CAPN15: variants seen among roughly 807,000 people sequenced by gnomAD.
The protein encoded by CAPN15 is calpain 15.
Under a neutral mutation model 97.9 loss-of-function variants are expected in CAPN15, and 53 were observed. The ratio of observed to expected loss-of-function variants is 0.54; its 90% CI spans 0.43 to 0.68. The LOEUF is 0.68. CAPN15 is among the 30% of genes least tolerant of loss of function. The pLI, the probability that CAPN15 is intolerant of heterozygous loss-of-function variation, is 0.00. For missense variants in CAPN15, 1,592 were observed against 1,589.8 expected, an observed-to-expected ratio of 1.00 and a Z score of -0.02; for synonymous variants, 922 against 722.5, an observed-to-expected ratio of 1.28 and a Z score of -4.43.
rs373107147 is a variant in CAPN15 at position 535,672 on chromosome 16, C to T, written c.-136-357C>T. Among the ~76,000 whole-genome samples the T allele has an allele frequency of 1.1e-4, 16 of 152,266 alleles. No homozygotes were observed. The East Asian group carries it at 2.3e-3, about 22-fold the overall frequency. ...CCTGCCCCTCCAGGGAGCCCAGAGG[C>T]GGGCGTGGCTGCAGCCTGGCTCTGT... On this transcript the variant is annotated intron_variant, in intron 2 of 13. Transcript: ENST00000219611. The surrounding 1 kb of genome is among the most constrained non-coding windows in gnomAD (Gnocchi z 6.2).
In CAPN15 at chr16:549,704, C is replaced by T; in HGVS notation, c.1932C>T (p.Ala644=). The T allele has an allele frequency of 6.4e-7, 1 of 1,567,118 alleles. No individual in the cohort carries two copies. The highest frequency in any genetic ancestry group is 8.6e-7 in the Non-Finnish European group (1 of 1,158,006). The change falls in exon 7 of 14, where the codon GCC becomes GCT. Residue 644 remains alanine, a synonymous_variant. Transcript: ENST00000219611. ...GSYFALQAGR[A]IEGLATLTGA... is the part of the protein sequence containing the mutation. ...ACTTTGCGCTCCAGGCGGGCCGCGC[C>T]ATCGAAGGCCTGGCCACGCTCACCG... is the stretch of plus-strand genomic sequence containing the variant.
chr16:532,005 C>T lies in CAPN15; in HGVS notation c.-189-1941C>T, dbSNP rs560248572. Among the ~76,000 whole-genome samples, 11 of 152,182 alleles carry T rather than the reference C, an allele frequency of 7.2e-5. No homozygotes were observed. The East Asian group carries it at 1.4e-3, about 19-fold the overall frequency. ...CTGTAATCCCAGCCCTTTCAGAGGC[C>T]GAGGCAGGTGGGTTGCCTGAGGTCA... On this transcript the variant is annotated intron_variant, in intron 1 of 13. Transcript: ENST00000219611.
At chr16:528,330 C>T (rs963699796) in intron 1 of CAPN15, among the ~76,000 whole-genome samples, 1 of 152,246 alleles carries the variant, frequency 6.6e-6, no homozygotes, top group African/African-American at 2.4e-5. Context: ...AGGCCAGCCC[C>T]GGGGGCCGCG....
intron 3 of CAPN15, among the ~76,000 whole-genome samples, chr16:545,388 G>T (rs2034515542): frequency 6.6e-6 from 1 of 152,106 alleles, no homozygotes; most frequent in African/African-American, 2.4e-5. Flanking sequence ...CACCGAGAGA[G>T]GCCGGCACAG....
rs532782033 is a variant in CAPN15, at chr16:549,605, C to A, written c.1843-10C>A. ...CGGGCGGGGGTGGCCTCTGACCCGG[C>A]CCTCTGCAGGCGCAGCGGAAGCAGC... On this transcript the variant is annotated splice_polypyrimidine_tract_variant and intron_variant, in intron 6 of 13. Coordinates refer to ENST00000219611, the MANE Select transcript of CAPN15 (RefSeq NM_005632.3). 3 of 1,532,066 alleles carry A rather than the reference C, an allele frequency of 2.0e-6. No homozygotes were observed. Among genetic ancestry groups the A allele is most frequent in the African/African-American group, 2.7e-5 (2 of 73,040 alleles). The allele number at this position is 1,532,066 out of a possible 1,614,324, so 94.9% of individuals were successfully genotyped here. A position where few individuals can be genotyped will look rare whatever the true frequency, so the allele number is the denominator to read the frequency against.
rs907204129 is a variant in CAPN15 at position 535,677 on chromosome 16, G to A, written c.-136-352G>A. 9.9e-5 allele frequency among the ~76,000 whole-genome samples: 15 copies of A among 152,242 alleles called. No individual in the cohort carries two copies. Among genetic ancestry groups the A allele is most frequent in the Admixed American group, 5.9e-4 (9 of 15,304 alleles). On this transcript the variant is annotated intron_variant, in intron 2 of 13. Transcript: ENST00000219611. The surrounding 1 kb of genome is among the most constrained non-coding windows in gnomAD (Gnocchi z 6.2). The stretch of plus-strand genomic sequence containing the variant: ...CCCTCCAGGGAGCCCAGAGGCGGGC[G>A]TGGCTGCAGCCTGGCTCTGTGGCAG...
At chr16:544,676 T>C (rs2034406796) in intron 3 of CAPN15, among the ~76,000 whole-genome samples, 1 of 148,936 alleles carries the variant, frequency 6.7e-6, no homozygotes, top group African/African-American at 2.5e-5. Flanking sequence ...CTCTGTGCAG[T>C]AAGGAGCGGC....
At chr16:550,199 T>G (rs1183722232) in intron 7 of CAPN15, among the ~76,000 whole-genome samples, 2 of 152,342 alleles carry the variant, frequency 1.3e-5, no homozygotes, top group East Asian at 3.9e-4. Flanking sequence ...GGCCACACTC[T>G]GGTCAGCGGG....
intron 4 of CAPN15, among the ~76,000 whole-genome samples, chr16:548,783 C>G (rs1005360271): frequency 6.6e-6 from 1 of 152,246 alleles, no homozygotes; most frequent in African/African-American, 2.4e-5. Context: ...GTCCCCTGCT[C>G]CTCACCTGTC....
intron 3 of CAPN15, chr16:538,018 C>T (rs2033849886): frequency 6.6e-6 from 1 of 152,286 alleles, no homozygotes; most frequent in African/African-American, 2.4e-5. Context: ...AGCGATGTCT[C>T]AGATACCTCG....
intron 3 of CAPN15, among the ~76,000 whole-genome samples, chr16:544,282 G>A (rs1341592708): frequency 3.3e-5 from 5 of 152,136 alleles, no homozygotes; most frequent in Admixed American, 3.3e-4. Flanking sequence ...ACCCCGGTGT[G>A]CCCCGAGAGC....
intron 1 of CAPN15, chr16:528,749 G>A: frequency 2.0e-6 from 2 of 985,434 alleles, no homozygotes; most frequent in Non-Finnish European, 2.4e-6. Flanking sequence ...CAATGGTGAG[G>A]CCCAGAACCT....
At chr16:534,235 G>GCCGTGGTCCTGTCGTGGGAGGCGACC (rs374380680) in intron 2 of CAPN15, among the ~76,000 whole-genome samples, 1 of 151,436 alleles carries the variant, frequency 6.6e-6, no homozygotes, top group African/African-American at 2.4e-5. Flanking sequence ...TCCCGACAGG[G>GCCGTGGTCCTGTCGTGGGAGGCGACC]GTGTTTGTCC....
chr16:547,722 T>C lies in CAPN15; in HGVS notation c.884T>C (p.Leu295Pro), dbSNP rs1212966774. ...RLAELLSGKR[L>P]SVLEEEATEG... ...GCAGAGTTGCTGTCTGGCAAGCGGCTGAGTGTGCTGGAGGAAGAGGCCACG... is the reference window on the plus strand; with the variant it reads ...GCAGAGTTGCTGTCTGGCAAGCGGCCGAGTGTGCTGGAGGAAGAGGCCACG... Residue 295 changes from leucine (L) to proline (P), a missense_variant, in exon 4 of 14, where the codon CTG (leucine) becomes CCG (proline). This residue lies in a region of CAPN15 where 883 missense variants were observed against 776.6 expected (regional missense o/e 1.14). Transcript: ENST00000219611. The C allele has an allele frequency of 6.2e-6, 10 of 1,601,744 alleles. No individual in the cohort carries two copies. Among genetic ancestry groups the C allele is most frequent in the East Asian group, 4.5e-5 (2 of 44,602 alleles).
intron 1 of CAPN15, among the ~76,000 whole-genome samples, chr16:531,877 A>G (rs1019894755): frequency 6.6e-6 from 1 of 152,186 alleles, no homozygotes; most frequent in African/African-American, 2.4e-5. Flanking sequence ...CTGCCACCAC[A>G]TGGCAAGCAG....
intron 7 of CAPN15, 66 bp from the exon 8 acceptor site, chr16:551,212 GGTGAGGGTCCCGGTCAGTGAGGGT>G: frequency 6.7e-7 from 1 of 1,482,170 alleles, no homozygotes; most frequent in Non-Finnish European, 8.9e-7. Context: ...GTCCCCAGTC[GGTGAGGGTCCCGGTCAGTGAGGGT>G]CCCCGGTCGG....
Position 551,399 on chromosome 16 carries a change from C to T in CAPN15, c.2164C>T (p.Leu722=). ...GCGCCCCCGGCATGCCTACTCCATCCTGGATGTCCGAGATGTCCAGGGCAC... is the reference window on the plus strand; with the variant it reads ...GCGCCCCCGGCATGCCTACTCCATCTTGGATGTCCGAGATGTCCAGGGCAC... The part of the protein sequence containing the change: ...GLRPRHAYSI[L]DVRDVQGTRL... Residue 722 remains leucine (L), a synonymous_variant, in exon 8 of 14, where the codon CTG becomes TTG. Transcript: ENST00000219611. 6.2e-7 allele frequency: 1 copy of T among 1,610,014 alleles called. No homozygotes were observed. The highest frequency in any genetic ancestry group is 1.7e-5 in the Admixed American group (1 of 59,924).
At chr16:531,460 C>T (rs557991771) in intron 1 of CAPN15, among the ~76,000 whole-genome samples, 3 of 152,198 alleles carry the variant, frequency 2.0e-5, no homozygotes, top group Non-Finnish European at 4.4e-5. Flanking sequence ...TCCCTGTCCC[C>T]TGTAATGAGA....
chr16:549,390 G>T lies in CAPN15; in HGVS notation c.1761G>T (p.Leu587=), dbSNP rs368047080. Residue 587 remains leucine (L), a synonymous_variant, in exon 6 of 14, where the codon CTG becomes CTT. Transcript: ENST00000219611. ...CAGAGGGCGCCTACCAGGTGCGGCT[G>T]TGCAAGGACGGCACGTGGACCACGG... ...LCAEGAYQVR[L]CKDGTWTTVL... 70 of 1,599,346 alleles carry T rather than the reference G, an allele frequency of 4.4e-5. No homozygotes were observed. The Admixed American group carries it at 7.4e-4, about 17-fold the overall frequency.
Sources: gnomAD v4.1 joint callset for allele counts (sites outside exome capture counted in the v4.1 genomes callset) on GRCh38, gnomAD v4.1.1 for gene constraint, gnomAD v4.1.1 regional missense constraint, Gnocchi (gnomAD v3.1) non-coding constraint, MANE v1.5 for transcripts, NCBI Gene and HGNC (gene_info 2026-07-23, HGNC 2026-07-21) for gene names.